The following LRP1B variants were observed in gnomAD, a reference collection of about 807,000 sequenced individuals.
LRP1B encodes low-density lipoprotein receptor-related protein 1B.
In LRP1B, 217 loss-of-function variants were observed where a neutral mutation model predicts 556.6. The observed-to-expected ratio is 0.39, with a 90% CI of 0.35 to 0.44. LRP1B has a LOEUF of 0.44. LRP1B is among the 20% of genes least tolerant of loss of function. LRP1B has a pLI of 1.00. For missense variants in LRP1B, 5,053 were observed against 5,620.8 expected, an observed-to-expected ratio of 0.90 and a Z score of 3.23; for synonymous variants, 2,047 against 1,865.8, an observed-to-expected ratio of 1.10 and a Z score of -2.50.
intron 87 of LRP1B, among the ~76,000 whole-genome samples, chr2:140,240,207 G>T (rs1027840218): frequency 2.7e-5 from 4 of 146,158 alleles, no homozygotes; most frequent in African/African-American, 9.7e-5. Flanking sequence ...TCTTTCTCAT[G>T]TTCTAGTTTC....
chr2:140,591,121 T>C (rs908442981), intron 43 of LRP1B, among the ~76,000 whole-genome samples: 4 of 152,214 alleles, frequency 2.6e-5, no homozygotes, highest in African/African-American at 9.6e-5. Context: ...ATACTTAAAA[T>C]ATACTGAAAT....
chr2:142,064,887 G>A (rs1352601571), intron 1 of LRP1B, among the ~76,000 whole-genome samples: 6 of 151,558 alleles, frequency 4.0e-5, no homozygotes, highest in Non-Finnish European at 3.0e-5. Context: ...TTCAGTTATT[G>A]TAATATGCAT....
intron 4 of LRP1B, among the ~76,000 whole-genome samples, chr2:141,249,050 G>A (rs1188294719): frequency 4.6e-5 from 7 of 152,124 alleles, no homozygotes; most frequent in Non-Finnish European, 1.0e-4. Flanking sequence ...AGGAGATAAC[G>A]AATTTGATTT....
intron 3 of LRP1B, chr2:141,286,741 T>C (rs1160741449): frequency 1.3e-5 from 6 of 445,528 alleles, no homozygotes; most frequent in East Asian, 7.0e-5. Context: ...AATTTGTACA[T>C]TGAATTTGTA....
intron 2 of LRP1B, among the ~76,000 whole-genome samples, chr2:141,797,883 C>T (rs779359445): frequency 4.6e-5 from 7 of 152,048 alleles, no homozygotes; most frequent in African/African-American, 1.7e-4. Context: ...TATAGGTAAA[C>T]ATCAATATCA....
At chr2:142,116,353 C>T (rs1401708712) in intron 1 of LRP1B, among the ~76,000 whole-genome samples, 1 of 151,910 alleles carries the variant, frequency 6.6e-6, no homozygotes, top group East Asian at 1.9e-4. Context: ...TCCATTTGAT[C>T]ATGAGAAAAC....
rs532869903 is a variant in LRP1B at position 140,903,841 on chromosome 2, T to A, written c.3521-676A>T. 3.3e-5 allele frequency among the ~76,000 whole-genome samples: 5 copies of A among 151,970 alleles called. No individual in the cohort carries two copies. The East Asian group carries it at 9.7e-4, about 29-fold the overall frequency. Reference sequence around the variant, plus strand: ...AAAAAAAAAAGTTGTCCTGGTATTTTGTCTGAAATAATGAGCAATAGTATT... The same window carrying A: ...AAAAAAAAAAGTTGTCCTGGTATTTAGTCTGAAATAATGAGCAATAGTATT... On this transcript the variant is annotated intron_variant, in intron 22 of 90. Transcript: ENST00000389484.
intron 86 of LRP1B, among the ~76,000 whole-genome samples, chr2:140,249,045 GAAAA>G (rs5834726): frequency 2.0e-5 from 3 of 150,266 alleles, no homozygotes; most frequent in African/African-American, 7.3e-5. Flanking sequence ...TCATTTAAAA[GAAAA>G]AAAAAACTAA....
intron 3 of LRP1B, among the ~76,000 whole-genome samples, chr2:141,340,665 T>A (rs1688025010): frequency 6.6e-6 from 1 of 152,214 alleles, no homozygotes; most frequent in Non-Finnish European, 1.5e-5. Context: ...ATTTTATTGC[T>A]GACCCACCAA....
intron 20 of LRP1B, among the ~76,000 whole-genome samples, chr2:140,947,427 G>T (rs1010550852): frequency 8.5e-5 from 13 of 152,124 alleles, no homozygotes; most frequent in African/African-American, 3.1e-4. Flanking sequence ...TTATATGGTG[G>T]ATTTGATCAG....
intron 3 of LRP1B, among the ~76,000 whole-genome samples, chr2:141,398,131 A>G (rs570736648): frequency 6.6e-6 from 1 of 152,290 alleles, no homozygotes; most frequent in South Asian, 2.1e-4. Flanking sequence ...GCATCCAGAG[A>G]GAGCCCAGAG....
At chr2:140,613,396 TATAA>T (rs796198299) in intron 41 of LRP1B, among the ~76,000 whole-genome samples, 1 of 142,176 alleles carries the variant, frequency 7.0e-6, no homozygotes, top group Non-Finnish European at 1.5e-5. Context: ...TACATATAAA[TATAA>T]ATAATTATAT....
intron 65 of LRP1B, among the ~76,000 whole-genome samples, chr2:140,443,274 T>C (rs933066230): frequency 6.6e-6 from 1 of 152,144 alleles, no homozygotes; most frequent in African/African-American, 2.4e-5. Flanking sequence ...TTGGCCAGGC[T>C]CATCTCGAAC....
At chr2:140,651,482 C>T (rs921569165) in intron 41 of LRP1B, among the ~76,000 whole-genome samples, 1 of 139,476 alleles carries the variant, frequency 7.2e-6, no homozygotes, top group Non-Finnish European at 1.5e-5. Flanking sequence ...TGCACATGTA[C>T]CCTAAAACTT....
intron 2 of LRP1B, among the ~76,000 whole-genome samples, chr2:141,800,266 T>C (rs947337127): frequency 1.3e-5 from 2 of 152,326 alleles, no homozygotes; most frequent in South Asian, 4.1e-4. Context: ...CCACTAAGCA[T>C]CAAGATGTTG....
chr2:141,815,461 T>A (rs1866028), intron 1 of LRP1B, among the ~76,000 whole-genome samples: 73,513 of 151,766 alleles, frequency 0.48, 17,928 homozygotes, highest in Middle Eastern at 0.62. Context: ...CTCTGTAGCT[T>A]GCAAGAGGAT....
intron 1 of LRP1B, among the ~76,000 whole-genome samples, chr2:141,996,866 G>A (rs1702506940): frequency 6.6e-6 from 1 of 152,146 alleles, no homozygotes; most frequent in South Asian, 2.1e-4. Flanking sequence ...TAAATCACAA[G>A]TGAATCCAAC....
Position 141,233,935 on chromosome 2 carries a change from G to A in LRP1B, c.593-4495C>T, listed in dbSNP as rs549135091. Among the ~76,000 whole-genome samples the A allele has an allele frequency of 3.4e-4, 51 of 151,878 alleles. No homozygotes were observed. In the Middle Eastern group the frequency reaches 0.014, roughly 41 times the overall value. On this transcript the variant is annotated intron_variant, in intron 5 of 90. Transcript: ENST00000389484. ...ATTTTCCTTAATTAAACCTGTAATT[G>A]TATTTGTAAGCAATTATCTCCACTA... is the stretch of plus-strand genomic sequence containing the variant.
At chr2:142,037,502 C>T (rs1574620529) in intron 1 of LRP1B, among the ~76,000 whole-genome samples, 1 of 151,436 alleles carries the variant, frequency 6.6e-6, no homozygotes, top group Non-Finnish European at 1.5e-5. Flanking sequence ...GACAACAAAG[C>T]CTGGAAGAGT....
Sources: gnomAD v4.1 joint callset for allele counts (sites outside exome capture counted in the v4.1 genomes callset) on GRCh38, gnomAD v4.1.1 for gene constraint, MANE v1.5 for transcripts, NCBI Gene and HGNC (gene_info 2026-07-23, HGNC 2026-07-21) for gene names.